ZNF398: variants seen among roughly 807,000 people sequenced by gnomAD.
The protein encoded by ZNF398 is zinc finger protein 398, also known as zinc finger DNA binding protein ZER6.
A neutral mutation model predicts 41.9 loss-of-function variants in ZNF398; 18 were observed. The ratio of observed to expected loss-of-function variants is 0.43; its 90% CI spans 0.30 to 0.64. ZNF398 has a LOEUF of 0.64. Ranked by LOEUF, ZNF398 falls within the 30% of genes least tolerant of loss-of-function variation. The pLI is 0.14. For missense variants in ZNF398, 669 were observed against 822.8 expected (o/e 0.81, Z 2.29); for synonymous variants, 260 against 308.8 (o/e 0.84, Z 1.66).
At chr7:149,136,043 G>A (rs1221163903) in intron 2 of ZNF398, among the ~76,000 whole-genome samples, 1 of 151,756 alleles carries the variant, frequency 6.6e-6, no homozygotes, top group Non-Finnish European at 1.5e-5. Flanking sequence ...TGGGGTTTTG[G>A]TATCATGTGT....
chr7:149,126,447 C>A, exon 1 of ZNF398: 1 of 668,948 alleles, frequency 1.5e-6, no homozygotes, highest in Non-Finnish European at 2.4e-6. Flanking sequence ...CGGGCACCCT[C>A]CGTGCGGGCC....
intron 2 of ZNF398, among the ~76,000 whole-genome samples, chr7:149,141,781 G>T (rs1826832306): frequency 6.6e-6 from 1 of 151,570 alleles, no homozygotes; most frequent in African/African-American, 2.4e-5. Context: ...TAGAGATGGG[G>T]TTTCACCATG....
At chr7:149,163,074 G>T in intron 2 of ZNF398, among the ~76,000 whole-genome samples, 1 of 152,226 alleles carries the variant, frequency 6.6e-6, no homozygotes, top group Non-Finnish European at 1.5e-5. Flanking sequence ...TAAGAATACA[G>T]GTGTGACAGT....
chr7:149,148,807 A>T (rs553598406), intron 1 of ZNF398, among the ~76,000 whole-genome samples: 1 of 149,084 alleles, frequency 6.7e-6, no homozygotes, highest in African/African-American at 2.4e-5. Flanking sequence ...GCCCAACACA[A>T]ATTCGTAAAC....
intron 2 of ZNF398, among the ~76,000 whole-genome samples, chr7:149,139,532 C>T (rs1447115748): frequency 1.3e-5 from 2 of 151,112 alleles, no homozygotes; most frequent in African/African-American, 4.9e-5. Flanking sequence ...ACCATCCTGG[C>T]CAACATGGTG....
intron 1 of ZNF398, among the ~76,000 whole-genome samples, chr7:149,127,699 A>T (rs145152258): frequency 0.011 from 1,695 of 152,228 alleles, 33 homozygotes; most frequent in African/African-American, 0.038. Context: ...CCTGGGCGAC[A>T]GAGGGAGACT....
intron 2 of ZNF398, among the ~76,000 whole-genome samples, chr7:149,129,194 C>G (rs930164518): frequency 3.3e-5 from 5 of 151,854 alleles, no homozygotes; most frequent in African/African-American, 1.2e-4. Context: ...AATGTTATGC[C>G]AGAGTCAGGT....
intron 2 of ZNF398, among the ~76,000 whole-genome samples, chr7:149,140,763 T>C (rs1359263879): frequency 1.3e-5 from 2 of 151,630 alleles, no homozygotes; most frequent in Non-Finnish European, 2.9e-5. Flanking sequence ...TCCCTGGCTG[T>C]GCGTGGTAGC....
At chr7:149,161,526 C>G (rs1451607861) in intron 2 of ZNF398, among the ~76,000 whole-genome samples, 2 of 152,244 alleles carry the variant, frequency 1.3e-5, no homozygotes, top group Non-Finnish European at 2.9e-5. Context: ...GATCACATCA[C>G]TGCACCCCAG....
chr7:149,166,878 A>G lies in ZNF398; in HGVS notation c.609A>G (p.Thr203=), dbSNP rs1216250227. The part of the protein sequence containing the change: ...SQIQPEGEHN[T]EDQAGPEESE... ...TTCAACCAGAAGGGGAACATAATACAGAGGACCAGGCAGGGCCAGAGGAAA... is the reference window on the plus strand; with the variant it reads ...TTCAACCAGAAGGGGAACATAATACGGAGGACCAGGCAGGGCCAGAGGAAA... The change falls in exon 4 of 6, where the codon ACA becomes ACG. Residue 203 remains threonine, a synonymous_variant. Transcript: ENST00000475153. 1.2e-6 allele frequency: 2 copies of G among 1,613,416 alleles called. No individual in the cohort carries two copies. Among genetic ancestry groups the G allele is most frequent in the South Asian group, 1.1e-5 (1 of 91,036 alleles).
intron 4 of ZNF398, among the ~76,000 whole-genome samples, chr7:149,170,963 C>T (rs1272194821): frequency 6.7e-6 from 1 of 150,220 alleles, no homozygotes; most frequent in Non-Finnish European, 1.5e-5. Flanking sequence ...CCTGCCTCAG[C>T]CTCCTGAGTA....
chr7:149,133,704 TACAC>T (rs1554459646), intron 2 of ZNF398, among the ~76,000 whole-genome samples: 2 of 74,014 alleles, frequency 2.7e-5, no homozygotes. Context: ...TATATATATA[TACAC>T]ACATATATAT....
chr7:149,138,054 A>T (rs1260979282), intron 2 of ZNF398, among the ~76,000 whole-genome samples: 1 of 151,844 alleles, frequency 6.6e-6, no homozygotes, highest in African/African-American at 2.4e-5. Flanking sequence ...ACAAAAAATT[A>T]GTTGCGCATG....
At chr7:149,148,491 C>A (rs1827019377) in intron 1 of ZNF398, 1 of 985,416 alleles carries the variant, frequency 1.0e-6, no homozygotes, top group African/African-American at 1.7e-5. Flanking sequence ...GGTCTTTGGT[C>A]ACCTCTAGGA....
At chr7:149,164,164 T>C (rs1342183370) in intron 2 of ZNF398, among the ~76,000 whole-genome samples, 1 of 149,074 alleles carries the variant, frequency 6.7e-6, no homozygotes, top group Admixed American at 6.8e-5. Flanking sequence ...TCCCAGCACT[T>C]TGGGAGGCCG....
chr7:149,132,154 T>A (rs1456578426), intron 2 of ZNF398, among the ~76,000 whole-genome samples: 1 of 151,800 alleles, frequency 6.6e-6, no homozygotes, highest in Non-Finnish European at 1.5e-5. Flanking sequence ...AGAGGTTATA[T>A]CAATTTATTA....
At chr7:149,141,886 G>A (rs1186633798) in intron 2 of ZNF398, among the ~76,000 whole-genome samples, 1 of 152,100 alleles carries the variant, frequency 6.6e-6, no homozygotes, top group African/African-American at 2.4e-5. Context: ...ACTGCGCCCG[G>A]CCCTAATCCA....
chr7:149,167,028 A>C, intron 4 of ZNF398, 98 bp downstream of exon 4: 2 of 753,838 alleles, frequency 2.7e-6, no homozygotes, highest in Non-Finnish European at 4.3e-6. Context: ...AGAGCCATTC[A>C]TTGCTAAAGC....
chr7:149,140,672 C>A (rs554422972), intron 2 of ZNF398, among the ~76,000 whole-genome samples: 46 of 152,222 alleles, frequency 3.0e-4, no homozygotes, highest in African/African-American at 1.1e-3. Context: ...GCGTGAGCCA[C>A]CACGCCAGGC....
Sources: allele counts gnomAD v4.1 joint callset (sites outside exome capture counted in the v4.1 genomes callset), GRCh38; gene constraint gnomAD v4.1.1; transcripts MANE v1.5; gene names NCBI Gene and HGNC (gene_info 2026-07-23, HGNC 2026-07-21).